EFCAB7: variants seen among roughly 807,000 people sequenced by gnomAD.
EFCAB7 encodes EF-hand calcium-binding domain-containing protein 7.
In EFCAB7, 66 loss-of-function variants were observed where a neutral mutation model predicts 77.1. The observed-to-expected ratio is 0.86, with a 90% CI of 0.70 to 1.05. EFCAB7 has a LOEUF of 1.05. Ranked by LOEUF, EFCAB7 falls within the 50% of genes least tolerant of loss-of-function variation. The pLI, the probability that EFCAB7 is intolerant of heterozygous loss-of-function variation, is 0.00. For missense variants in EFCAB7, 638 were observed against 730.5 expected, an observed-to-expected ratio of 0.87 and a Z score of 1.46; for synonymous variants, 225 against 243.3, an observed-to-expected ratio of 0.92 and a Z score of 0.70.
rs11347600 is a variant in EFCAB7 at position 63,560,512 on chromosome 1, C to CT, written c.1349-1175dup. On this transcript the variant is annotated intron_variant, in intron 10 of 13. Coordinates refer to ENST00000371088, the MANE Select transcript of EFCAB7 (RefSeq NM_032437.4). Reference sequence around the variant, plus strand: ...GTTATGAATAACTTTAAACTCTTAACTTTTTTTTTTTTTTTTTTTTTTGAG... The same window carrying CT: ...GTTATGAATAACTTTAAACTCTTAACTTTTTTTTTTTTTTTTTTTTTTTGAG... Among the ~76,000 whole-genome samples, 512 of 77,414 alleles carry CT rather than the reference C, an allele frequency of 6.6e-3. 17 individuals are homozygous for CT. Among genetic ancestry groups the CT allele is most frequent in the Non-Finnish European group, 8.7e-3 (374 of 42,830 alleles). The allele number at this position is 77,414 out of a possible 152,430, so 50.8% of individuals were successfully genotyped here.
chr1:63,555,515 A>G lies in EFCAB7; in HGVS notation c.1214A>G (p.Lys405Arg), dbSNP rs1273077835. Residue 405 changes from lysine (K) to arginine (R), a missense_variant and splice_region_variant, in exon 9 of 14, where the codon AAG becomes AGG. Coordinates refer to ENST00000371088, the MANE Select transcript of EFCAB7 (RefSeq NM_032437.4). ...TGELFLTKEFKSTLSDIFEVI... is the reference protein window; with the variant it reads ...TGELFLTKEFRSTLSDIFEVI... ...GAATTATTCCTTACAAAGGAATTTA[A>G]GTAAGTTTTGTTTATTAATGTTAGA... 3.1e-6 allele frequency: 5 copies of G among 1,610,710 alleles called. No individual in the cohort carries two copies. The highest frequency in any genetic ancestry group is 1.1e-5 in the South Asian group (1 of 90,814).
At chr1:63,539,895 A>T (rs1287328440) in intron 6 of EFCAB7, among the ~76,000 whole-genome samples, 1 of 152,146 alleles carries the variant, frequency 6.6e-6, no homozygotes, top group Admixed American at 6.6e-5. Flanking sequence ...GCTGTATAAC[A>T]TTTCTTTCAT....
At chr1:63,563,960 C>T (rs1358041628) in intron 11 of EFCAB7, among the ~76,000 whole-genome samples, 1 of 151,894 alleles carries the variant, frequency 6.6e-6, no homozygotes, top group African/African-American at 2.4e-5. Flanking sequence ...AGTTTTGCCC[C>T]CCTTTTTTTT....
intron 2 of EFCAB7, chr1:63,527,906 A>G (rs1209178816): frequency 1.3e-5 from 2 of 152,220 alleles, no homozygotes; most frequent in African/African-American, 4.8e-5. Context: ...AACAGAAGAT[A>G]TAATTTTCTT....
downstream of EFCAB7, among the ~76,000 whole-genome samples, chr1:63,574,182 G>C (rs1557693279): frequency 6.6e-6 from 1 of 151,652 alleles, no homozygotes; most frequent in Non-Finnish European, 1.5e-5. Context: ...GTAGGGAAGG[G>C]AGGGGGCCTG....
At chr1:63,560,817 C>T (rs766113392) in intron 10 of EFCAB7, among the ~76,000 whole-genome samples, 2 of 152,200 alleles carry the variant, frequency 1.3e-5, no homozygotes, top group Non-Finnish European at 2.9e-5. Flanking sequence ...CCACCGTGCC[C>T]GGCTTCTAAA....
At chr1:63,583,074 T>C in the EFCAB7 span, among the ~76,000 whole-genome samples, 1 of 152,122 alleles carries the variant, frequency 6.6e-6, no homozygotes, top group African/African-American at 2.4e-5. Context: ...AAGAAAATCA[T>C]TGAGGAGGAA....
chr1:63,558,737 T>G (rs896526704), intron 10 of EFCAB7, among the ~76,000 whole-genome samples: 2 of 152,164 alleles, frequency 1.3e-5, no homozygotes, highest in African/African-American at 4.8e-5. Context: ...TTTATTTTGT[T>G]TATTAATAAG....
downstream of EFCAB7, among the ~76,000 whole-genome samples, chr1:63,577,615 G>A (rs1390418406): frequency 6.6e-6 from 1 of 152,040 alleles, no homozygotes; most frequent in African/African-American, 2.4e-5. Flanking sequence ...ACTAGGCTAG[G>A]GAATAGTACA....
the EFCAB7 span, among the ~76,000 whole-genome samples, chr1:63,582,127 TC>T: frequency 6.6e-6 from 1 of 152,242 alleles, no homozygotes; most frequent in Non-Finnish European, 1.5e-5. Context: ...AGCTTGTCTC[TC>T]CAGTAAATTG....
At chr1:63,547,043 C>T (rs1004395004) in intron 7 of EFCAB7, 1 of 151,968 alleles carries the variant, frequency 6.6e-6, no homozygotes, top group African/African-American at 2.4e-5. Context: ...AAAGGATTCC[C>T]ACCTCCCCAT....
At chr1:63,562,186 G>C (rs1647109667) in intron 11 of EFCAB7, among the ~76,000 whole-genome samples, 1 of 151,762 alleles carries the variant, frequency 6.6e-6, no homozygotes, top group Non-Finnish European at 1.5e-5. Context: ...GAAACACTTT[G>C]TCTTAACAGT....
downstream of EFCAB7, among the ~76,000 whole-genome samples, chr1:63,573,255 G>A (rs558689170): frequency 7.8e-4 from 119 of 152,278 alleles, no homozygotes; most frequent in Admixed American, 2.3e-3. Context: ...GGAACCTAGA[G>A]TGGGAGAGAT....
the EFCAB7 span, among the ~76,000 whole-genome samples, chr1:63,584,196 G>A: frequency 6.6e-6 from 1 of 152,200 alleles, no homozygotes; most frequent in Non-Finnish European, 1.5e-5. Context: ...AAAGCAAACA[G>A]TGGAAGATGG....
chr1:63,549,285 T>G, intron 7 of EFCAB7: 1 of 464,912 alleles, frequency 2.2e-6, no homozygotes, highest in Non-Finnish European at 4.4e-6. Flanking sequence ...ACCTCAGCAA[T>G]TCTTACCTTT....
intron 12 of EFCAB7, 97 bp from the exon 13 acceptor site, chr1:63,570,924 G>T: frequency 2.7e-6 from 2 of 750,448 alleles, no homozygotes; most frequent in East Asian, 2.9e-5. Context: ...TGCACTATAT[G>T]ATGTTAAAAC....
intron 12 of EFCAB7, chr1:63,570,354 A>AT (rs368668379): frequency 5.3e-5 from 8 of 152,146 alleles, no homozygotes; most frequent in African/African-American, 1.7e-4. Context: ...ATTGTCTTTT[A>AT]TCTCAGTTGT....
chr1:63,549,824 A>G (rs1570415583), intron 7 of EFCAB7: 1 of 170,798 alleles, frequency 5.9e-6, no homozygotes, highest in East Asian at 1.8e-4. Flanking sequence ...ATGACAAGTT[A>G]GCTGCTGTTT....
chr1:63,549,438 A>G (rs1646939586), intron 7 of EFCAB7: 2 of 465,616 alleles, frequency 4.3e-6, no homozygotes, highest in Admixed American at 4.8e-5. Flanking sequence ...TACTTGGAGT[A>G]TGGATTGAGT....
Sources: gnomAD v4.1 joint callset for allele counts (sites outside exome capture counted in the v4.1 genomes callset) on GRCh38, gnomAD v4.1.1 for gene constraint, MANE v1.5 for transcripts, NCBI Gene and HGNC (gene_info 2026-07-23, HGNC 2026-07-21) for gene names.